The following AP3B1 variants were observed in gnomAD, a reference collection of about 807,000 sequenced individuals.
The protein encoded by AP3B1 is adaptor related protein complex 3 subunit beta 1.
Under a neutral mutation model 132.5 loss-of-function variants are expected in AP3B1, and 61 were observed. The ratio of observed to expected loss-of-function variants is 0.46; its 90% confidence interval spans 0.37 to 0.57. The LOEUF is 0.57. AP3B1 is among the 20% of genes least tolerant of loss of function. The probability of loss-of-function intolerance (pLI) is 0.00; values close to 1 mark genes in which losing one functional copy is unlikely to be tolerated. For synonymous variants in AP3B1, 388 were observed against 438.3 expected, an observed-to-expected ratio of 0.89 and a Z score of 1.43; for missense variants, 1,120 against 1,289.4, an observed-to-expected ratio of 0.87 and a Z score of 2.01.
At chr5:78,137,816 G>C (rs1752980991) in intron 15 of AP3B1, among the ~76,000 whole-genome samples, 1 of 152,056 alleles carries the variant, frequency 6.6e-6, no homozygotes, top group African/African-American at 2.4e-5. Flanking sequence ...TTTACTATTT[G>C]ATTATTCTTC....
In AP3B1 at chr5:78,193,770, A is replaced by ATATATATATTTTTTTTTTT; in HGVS notation, c.787-12109_787-12108insAAAAAAAAAAATATATATA. On this transcript the variant is annotated intron_variant, in intron 7 of 26. Transcript: ENST00000255194. ...TATATATATATATATATATATATAT[A>ATATATATATTTTTTTTTTT]TTTTTTTTTTAGACAGAGTCTCGCT... is the stretch of plus-strand genomic sequence containing the variant. Among the ~76,000 whole-genome samples the ATATATATATTTTTTTTTTT allele has an allele frequency of 2.3e-3, 157 of 67,088 alleles. 1 individual carries two copies. The highest frequency in any genetic ancestry group is 3.8e-3 in the Non-Finnish European group (118 of 31,058). 44.0% of individuals were successfully genotyped at this position (67,088 alleles called of 152,430 possible).
At chr5:78,100,306 CTT>C (rs1220461337) in intron 21 of AP3B1, among the ~76,000 whole-genome samples, 1 of 152,176 alleles carries the variant, frequency 6.6e-6, no homozygotes, top group Non-Finnish European at 1.5e-5. Flanking sequence ...AATCTCACTT[CTT>C]GTTACTCTTC....
intron 6 of AP3B1, among the ~76,000 whole-genome samples, chr5:78,219,223 C>G (rs551871943): frequency 6.6e-6 from 1 of 152,086 alleles, no homozygotes; most frequent in South Asian, 2.1e-4. Flanking sequence ...TGTTTTCTAT[C>G]AGAAAGTTCG....
At chr5:78,081,483 G>A (rs1318287330) in intron 22 of AP3B1, among the ~76,000 whole-genome samples, 1 of 151,482 alleles carries the variant, frequency 6.6e-6, no homozygotes, top group Non-Finnish European at 1.5e-5. Context: ...AATTTTTTTT[G>A]TATTTTTAGT....
chr5:78,143,725 T>G (rs2112331597), intron 14 of AP3B1, among the ~76,000 whole-genome samples: 1 of 152,234 alleles, frequency 6.6e-6, no homozygotes, highest in East Asian at 1.9e-4. Context: ...ATTAGTCACT[T>G]TTTAGAGGCC....
chr5:78,123,969 C>T (rs1752349088), intron 17 of AP3B1, among the ~76,000 whole-genome samples: 1 of 152,196 alleles, frequency 6.6e-6, no homozygotes, highest in African/African-American at 2.4e-5. Context: ...CAACGACAGA[C>T]TGGATTAAGA....
At chr5:78,130,257 C>A (rs1176088365) in intron 15 of AP3B1, among the ~76,000 whole-genome samples, 1 of 151,838 alleles carries the variant, frequency 6.6e-6, no homozygotes. Flanking sequence ...GAAAAATAAA[C>A]CGAGAAACAC....
intron 4 of AP3B1, 99 bp from the exon 5 acceptor site, chr5:78,227,631 G>A: frequency 8.8e-7 from 1 of 1,132,492 alleles, no homozygotes; most frequent in South Asian, 1.3e-5. Flanking sequence ...GGTGTAATAT[G>A]ACAATAGCAA....
chr5:78,177,288 T>C (rs755599834), intron 9 of AP3B1, 51 bp downstream of exon 9: 14 of 1,218,734 alleles, frequency 1.1e-5, no homozygotes, highest in African/African-American at 3.0e-5. Context: ...TGTTCAAACA[T>C]TACTTTTGAA....
At chr5:78,009,065 A>G (rs535838886) in intron 26 of AP3B1, among the ~76,000 whole-genome samples, 1 of 152,322 alleles carries the variant, frequency 6.6e-6, no homozygotes, top group African/African-American at 2.4e-5. Flanking sequence ...TCTTTTTAGG[A>G]TACCAAAAAT....
chr5:78,181,805 C>T (rs545496204), intron 7 of AP3B1, 143 bp from the exon 8 acceptor site: 6 of 683,580 alleles, frequency 8.8e-6, no homozygotes, highest in East Asian at 5.4e-5. Context: ...AAAAATATTA[C>T]ACAACCTATA....
intron 20 of AP3B1, 81 bp from the exon 21 acceptor site, chr5:78,101,106 C>T: frequency 1.2e-6 from 1 of 802,436 alleles, no homozygotes; most frequent in Non-Finnish European, 2.0e-6. Flanking sequence ...CCAAAACAAA[C>T]TTTTTTTTCC....
chr5:78,213,700 G>A (rs1745845760), intron 7 of AP3B1, among the ~76,000 whole-genome samples: 1 of 152,064 alleles, frequency 6.6e-6, no homozygotes, highest in African/African-American at 2.4e-5. Flanking sequence ...AACCACCAGA[G>A]TAACTGAAAT....
chr5:78,173,040 G>T (rs908391560), intron 11 of AP3B1, among the ~76,000 whole-genome samples: 1 of 152,204 alleles, frequency 6.6e-6, no homozygotes, highest in Non-Finnish European at 1.5e-5. Flanking sequence ...TTCAGGAACA[G>T]GTTGTTCAGT....
chr5:78,086,845 T>A (rs751417891), intron 22 of AP3B1, among the ~76,000 whole-genome samples: 2 of 150,148 alleles, frequency 1.3e-5, no homozygotes, highest in Non-Finnish European at 3.0e-5. Context: ...AAATACGAAG[T>A]TTTTTTTTTC....
At chr5:78,102,053 AAGAT>A (rs1178378379) in intron 20 of AP3B1, among the ~76,000 whole-genome samples, 24 of 152,118 alleles carry the variant, frequency 1.6e-4, no homozygotes, top group African/African-American at 5.5e-4. Context: ...AATAACAGCC[AAGAT>A]AGATATAGTC....
chr5:78,123,226 T>C (rs1008001210), intron 17 of AP3B1, among the ~76,000 whole-genome samples: 5 of 152,000 alleles, frequency 3.3e-5, no homozygotes, highest in African/African-American at 7.2e-5. Context: ...AAATGTTAGA[T>C]CTAAAACCAT....
chr5:78,078,301 A>G (rs1311952116), intron 22 of AP3B1, among the ~76,000 whole-genome samples: 1 of 152,186 alleles, frequency 6.6e-6, no homozygotes, highest in Non-Finnish European at 1.5e-5. Context: ...TTATCTACCT[A>G]AAAGTTACCA....
intron 22 of AP3B1, among the ~76,000 whole-genome samples, chr5:78,040,980 A>C (rs1456700008): frequency 6.6e-6 from 1 of 152,228 alleles, no homozygotes; most frequent in East Asian, 1.9e-4. Flanking sequence ...AATTTAAAAT[A>C]ATCATCACCT....
Sources: gnomAD v4.1 joint callset for allele counts (sites outside exome capture counted in the v4.1 genomes callset) on GRCh38, gnomAD v4.1.1 for gene constraint, MANE v1.5 for transcripts, NCBI Gene and HGNC (gene_info 2026-07-23, HGNC 2026-07-21) for gene names.